The following SH3GL2 variants were observed in gnomAD, a reference collection of about 807,000 sequenced individuals.
SH3GL2 encodes the protein endophilin-A1.
SH3GL2 carries 24 observed loss-of-function variants against 46.0 expected under a neutral mutation model. That is an observed-to-expected ratio of 0.52 (90% CI 0.38 to 0.73). SH3GL2 has a LOEUF of 0.73. Ranked by LOEUF, SH3GL2 falls within the 30% of genes least tolerant of loss-of-function variation. The pLI is 0.00. For synonymous variants in SH3GL2, 196 were observed against 147.1 expected, an observed-to-expected ratio of 1.33 and a Z score of -2.40; for missense variants, 413 against 424.2, an observed-to-expected ratio of 0.97 and a Z score of 0.23.
At chr9:17,750,445 A>G (rs113361270) in intron 2 of SH3GL2, among the ~76,000 whole-genome samples, 1 of 152,246 alleles carries the variant, frequency 6.6e-6, no homozygotes, top group African/African-American at 2.4e-5. Flanking sequence ...GAGATGCAGT[A>G]AAATCATCAT....
intron 7 of SH3GL2, among the ~76,000 whole-genome samples, chr9:17,791,768 G>A (rs9406731): frequency 0.091 from 13,926 of 152,230 alleles, 1,211 homozygotes; most frequent in African/African-American, 0.23. Context: ...ACTCAGTGGT[G>A]CAAGTGGAGT....
At chr9:17,749,184 T>C (rs1822775401) in intron 2 of SH3GL2, among the ~76,000 whole-genome samples, 1 of 152,214 alleles carries the variant, frequency 6.6e-6, no homozygotes, top group South Asian at 2.1e-4. Context: ...CATCTCTGGA[T>C]GGTTCTAAAT....
intron 5 of SH3GL2, 122 bp from the exon 6 acceptor site, chr9:17,789,270 G>T (rs190516563): frequency 1.4e-6 from 1 of 724,262 alleles, no homozygotes; most frequent in Admixed American, 2.5e-5. Context: ...CTCTGGTGGC[G>T]TTGTATTTTA....
At chr9:17,759,475 C>A (rs1823106394) in intron 2 of SH3GL2, among the ~76,000 whole-genome samples, 1 of 152,124 alleles carries the variant, frequency 6.6e-6, no homozygotes, top group Non-Finnish European at 1.5e-5. Flanking sequence ...TTAGGAAGAG[C>A]TTTTGCTTTC....
chr9:17,669,012 C>G (rs1820408091), intron 1 of SH3GL2, among the ~76,000 whole-genome samples: 2 of 152,128 alleles, frequency 1.3e-5, no homozygotes, highest in African/African-American at 4.8e-5. Flanking sequence ...CCACCTGTAG[C>G]ATATACTAAA....
At chr9:17,640,546 G>T (rs553828083) in intron 1 of SH3GL2, among the ~76,000 whole-genome samples, 1 of 152,082 alleles carries the variant, frequency 6.6e-6, no homozygotes, top group Admixed American at 6.6e-5. Flanking sequence ...TCTCTCAACC[G>T]GCTGTCTCTG....
intron 3 of SH3GL2, among the ~76,000 whole-genome samples, chr9:17,763,563 G>A (rs1476215288): frequency 1.3e-5 from 2 of 152,256 alleles, no homozygotes; most frequent in African/African-American, 4.8e-5. Context: ...AAGACATGAG[G>A]AAGGATTCTC....
chr9:17,720,543 G>A (rs898197174), intron 1 of SH3GL2, among the ~76,000 whole-genome samples: 14 of 152,000 alleles, frequency 9.2e-5, no homozygotes, highest in Admixed American at 9.2e-4. Flanking sequence ...AGTTGGCAGC[G>A]CTTATTGGCT....
chr9:17,773,322 C>A (rs562182289), intron 3 of SH3GL2, among the ~76,000 whole-genome samples: 1 of 152,160 alleles, frequency 6.6e-6, no homozygotes, highest in East Asian at 1.9e-4. Flanking sequence ...TCGTGAAGTC[C>A]AATTGTGTAA....
In SH3GL2 at chr9:17,790,353, C is replaced by G. The variant is rs1017269581; in HGVS notation, c.624+803C>G. On this transcript the variant is annotated intron_variant, in intron 6 of 8. Transcript: ENST00000380607. ...ACCAGCTATCTGGGGATCCCTTAAT[C>G]TAGTCAAGTTGTCACCTAAAATTAA... The G allele has an allele frequency of 2.9e-5, 20 of 696,658 alleles. No homozygotes were observed. The African/African-American group carries it at 3.9e-4, about 14-fold the overall frequency. 43.2% of individuals were successfully genotyped at this position (696,658 alleles called of 1,614,324 possible).
chr9:17,631,920 T>A (rs1314784737), intron 1 of SH3GL2, among the ~76,000 whole-genome samples: 1 of 152,224 alleles, frequency 6.6e-6, no homozygotes, highest in African/African-American at 2.4e-5. Flanking sequence ...GTTATGGTTT[T>A]GAAATGTATC....
chr9:17,732,633 G>A (rs1180970957), intron 1 of SH3GL2, among the ~76,000 whole-genome samples: 1 of 152,114 alleles, frequency 6.6e-6, no homozygotes, highest in Non-Finnish European at 1.5e-5. Context: ...GGGTTTGGAA[G>A]TCTTCATGGG....
chr9:17,664,783 A>G (rs1489579038), intron 1 of SH3GL2, among the ~76,000 whole-genome samples: 2 of 151,866 alleles, frequency 1.3e-5, no homozygotes, highest in South Asian at 2.1e-4. Context: ...TTTCATGTAT[A>G]ATCTTTCTTT....
chr9:17,599,849 A>G (rs1043564241), intron 1 of SH3GL2, among the ~76,000 whole-genome samples: 2 of 151,944 alleles, frequency 1.3e-5, no homozygotes, highest in South Asian at 4.2e-4. Context: ...ATTTTTTTTG[A>G]TATTTCCTTT....
chr9:17,715,247 A>T (rs2224956), intron 1 of SH3GL2, among the ~76,000 whole-genome samples: 72,940 of 148,950 alleles, frequency 0.49, 19,502 homozygotes, highest in African/African-American at 0.71. Flanking sequence ...TGGTCACAAA[A>T]TTGCTTTGTT....
intron 1 of SH3GL2, among the ~76,000 whole-genome samples, chr9:17,579,679 G>T (rs1818240091): frequency 6.6e-6 from 1 of 152,164 alleles, no homozygotes; most frequent in Admixed American, 6.5e-5. Flanking sequence ...TTGCGGAGTC[G>T]GTGCACCCGG....
At chr9:17,638,435 G>T (rs1419470666) in intron 1 of SH3GL2, among the ~76,000 whole-genome samples, 2 of 152,164 alleles carry the variant, frequency 1.3e-5, no homozygotes, top group Non-Finnish European at 2.9e-5. Flanking sequence ...AGTAGAGAGA[G>T]ACAAAAAAGT....
At chr9:17,579,326 G>C in intron 1 of SH3GL2, 39 bp downstream of exon 1, 1 of 1,451,888 alleles carries the variant, frequency 6.9e-7, no homozygotes, top group Non-Finnish European at 9.3e-7. Flanking sequence ...GCAGTCCGGG[G>C]CGAAGCTGCG....
intron 1 of SH3GL2, among the ~76,000 whole-genome samples, chr9:17,616,521 A>G (rs1341579423): frequency 6.6e-6 from 1 of 152,150 alleles, no homozygotes; most frequent in Non-Finnish European, 1.5e-5. Flanking sequence ...ATTATGTTGA[A>G]GTGGTAGAGA....
Sources: gnomAD v4.1 joint callset for allele counts (sites outside exome capture counted in the v4.1 genomes callset) on GRCh38, gnomAD v4.1.1 for gene constraint, MANE v1.5 for transcripts, NCBI Gene and HGNC (gene_info 2026-07-23, HGNC 2026-07-21) for gene names.